The following CLIC5 variants were observed in gnomAD, a reference collection of about 807,000 sequenced individuals.
The protein encoded by CLIC5 is CLIC family member 5.
Under a neutral mutation model 24.7 loss-of-function variants are expected in CLIC5, and 20 were observed. The ratio of observed to expected loss-of-function variants is 0.81; its 90% confidence interval spans 0.57 to 1.18. CLIC5 has a LOEUF of 1.18. CLIC5 is among the 50% of genes most tolerant of loss of function. CLIC5 has a pLI of 0.00. For missense variants in CLIC5, 341 were observed against 326.1 expected, an observed-to-expected ratio of 1.05 and a Z score of -0.35; for synonymous variants, 159 against 135.6, an observed-to-expected ratio of 1.17 and a Z score of -1.20.
At chr6:46,079,997 G>C (rs778503383) in exon 1 of CLIC5, 2 of 1,551,670 alleles carry the variant, frequency 1.3e-6, no homozygotes, top group Non-Finnish European at 1.7e-6. Context: ...CATCAGGCAG[G>C]AGGTAGCCTC....
intron 6 of CLIC5, among the ~76,000 whole-genome samples, chr6:45,890,647 A>G (rs144944351): frequency 6.6e-6 from 1 of 152,230 alleles, no homozygotes; most frequent in Non-Finnish European, 1.5e-5. Flanking sequence ...TAGCCAAGAT[A>G]TGGAAACAAC....
intron 1 of CLIC5, among the ~76,000 whole-genome samples, chr6:46,053,531 A>T (rs577978530): frequency 6.6e-6 from 1 of 152,170 alleles, no homozygotes; most frequent in Non-Finnish European, 1.5e-5. Context: ...CTGCTAGATG[A>T]TCTCTGAAGT....
At chr6:46,054,026 A>G (rs1768177993) in intron 1 of CLIC5, among the ~76,000 whole-genome samples, 1 of 152,134 alleles carries the variant, frequency 6.6e-6, no homozygotes, top group South Asian at 2.1e-4. Context: ...GACTGAGATA[A>G]AGAAGCCTGT....
intron 4 of CLIC5, among the ~76,000 whole-genome samples, chr6:45,925,439 C>T (rs1327976819): frequency 1.3e-5 from 2 of 151,986 alleles, no homozygotes; most frequent in Non-Finnish European, 2.9e-5. Context: ...GCCTCAGCCT[C>T]CCAAGTAGCT....
At chr6:46,041,178 T>A (rs1767797734) in intron 1 of CLIC5, among the ~76,000 whole-genome samples, 1 of 152,218 alleles carries the variant, frequency 6.6e-6, no homozygotes, top group Non-Finnish European at 1.5e-5. Flanking sequence ...GAGTGTGCAT[T>A]TGTGTGCTTT....
At chr6:46,005,299 G>A (rs1046869683) in intron 1 of CLIC5, among the ~76,000 whole-genome samples, 3 of 152,060 alleles carry the variant, frequency 2.0e-5, no homozygotes, top group African/African-American at 7.2e-5. Context: ...ATAGAATAAC[G>A]TTAAACAAAA....
At chr6:45,920,398 T>C (rs984924566) in intron 4 of CLIC5, 39 of 616,750 alleles carry the variant, frequency 6.3e-5, no homozygotes, top group Non-Finnish European at 7.3e-5. Context: ...TATTGAGAAA[T>C]ACCTGGAGCA....
chr6:46,080,522 G>A (rs1762897951), upstream of CLIC5, among the ~76,000 whole-genome samples: 1 of 152,194 alleles, frequency 6.6e-6, no homozygotes. Flanking sequence ...CTCATTGGCA[G>A]TAACTCCAAG....
intron 1 of CLIC5, among the ~76,000 whole-genome samples, chr6:46,001,458 C>T (rs545288484): frequency 2.0e-5 from 3 of 152,292 alleles, no homozygotes; most frequent in Non-Finnish European, 4.4e-5. Context: ...CTGCTTAGTG[C>T]CTTCCTGATA....
chr6:45,911,033 C>A (rs1047300667), intron 5 of CLIC5, among the ~76,000 whole-genome samples: 21 of 152,214 alleles, frequency 1.4e-4, no homozygotes, highest in African/African-American at 5.1e-4. Context: ...TCCCAGCCAA[C>A]CTGAGCTTGG....
chr6:45,926,194 TACACACACAC>T (rs376453758), intron 4 of CLIC5, among the ~76,000 whole-genome samples: 1 of 147,556 alleles, frequency 6.8e-6, no homozygotes, highest in Non-Finnish European at 1.5e-5. Context: ...CACACACACA[TACACACACAC>T]ACACACATAT....
chr6:46,114,638 A>G, the CLIC5 span, among the ~76,000 whole-genome samples: 2 of 151,914 alleles, frequency 1.3e-5, no homozygotes, highest in Non-Finnish European at 2.9e-5. Context: ...CCCTTTTTTC[A>G]AGGGGTCCTC....
upstream of CLIC5, among the ~76,000 whole-genome samples, chr6:46,019,486 A>T (rs970201055): frequency 6.6e-6 from 1 of 151,752 alleles, no homozygotes; most frequent in African/African-American, 2.4e-5. Flanking sequence ...GGAGATCGAG[A>T]CCATCCTGGC....
chr6:45,985,702 G>A (rs891299750), intron 1 of CLIC5, among the ~76,000 whole-genome samples: 5 of 152,108 alleles, frequency 3.3e-5, no homozygotes, highest in Non-Finnish European at 7.4e-5. Context: ...ATCCCTACCA[G>A]GCCACTCTGG....
upstream of CLIC5, among the ~76,000 whole-genome samples, chr6:46,016,467 C>T (rs1315549522): frequency 1.3e-5 from 2 of 152,162 alleles, no homozygotes; most frequent in Non-Finnish European, 2.9e-5. Context: ...TGAGTCAACC[C>T]GGTCAGGTGC....
At chr6:45,964,047 G>C (rs558917372) in intron 1 of CLIC5, among the ~76,000 whole-genome samples, 2 of 152,272 alleles carry the variant, frequency 1.3e-5, no homozygotes, top group East Asian at 3.9e-4. Flanking sequence ...CACCAATCTT[G>C]GGAAGGAAGA....
At chr6:45,938,033 C>T (rs1764000912) in intron 4 of CLIC5, among the ~76,000 whole-genome samples, 1 of 151,914 alleles carries the variant, frequency 6.6e-6, no homozygotes, top group East Asian at 1.9e-4. Flanking sequence ...GGAGGGAGGG[C>T]TCTGCTCAAG....
intron 1 of CLIC5, among the ~76,000 whole-genome samples, chr6:45,994,461 A>G (rs1372140682): frequency 6.6e-6 from 1 of 152,042 alleles, no homozygotes; most frequent in Non-Finnish European, 1.5e-5. Flanking sequence ...GGACACAGGG[A>G]GGGGAACAAC....
the CLIC5 span, among the ~76,000 whole-genome samples, chr6:46,092,583 C>T: frequency 4.0e-5 from 6 of 149,782 alleles, no homozygotes; most frequent in South Asian, 4.2e-4. Flanking sequence ...TAAGTAGTGG[C>T]GTATCTCTAA....
Sources: gnomAD v4.1 joint callset for allele counts (sites outside exome capture counted in the v4.1 genomes callset) on GRCh38, gnomAD v4.1.1 for gene constraint, MANE v1.5 for transcripts, NCBI Gene and HGNC (gene_info 2026-07-23, HGNC 2026-07-21) for gene names.